Variants in GSTCD observed in about 807,000 individuals in gnomAD.
GSTCD encodes glutathione S-transferase C-terminal domain-containing protein.
A neutral mutation model predicts 68.3 loss-of-function variants in GSTCD; 44 were observed. The ratio of observed to expected loss-of-function variants is 0.64; its 90% CI spans 0.51 to 0.83. GSTCD has a LOEUF of 0.83. Ranked by LOEUF, GSTCD falls within the 40% of genes least tolerant of loss-of-function variation. GSTCD has a pLI of 0.00. For synonymous variants in GSTCD, 273 were observed against 255.2 expected (o/e 1.07, Z -0.67); for missense variants, 739 against 735.9 (o/e 1.00, Z -0.05).
chr4:105,777,168 A>G (rs1735100986), intron 5 of GSTCD, among the ~76,000 whole-genome samples: 1 of 152,216 alleles, frequency 6.6e-6, no homozygotes, highest in South Asian at 2.1e-4. Flanking sequence ...ATATTGATAC[A>G]TTTTTATGTC....
intron 5 of GSTCD, among the ~76,000 whole-genome samples, chr4:105,821,407 C>T (rs182601987): frequency 1.2e-3 from 177 of 151,890 alleles, no homozygotes; most frequent in Non-Finnish European, 2.2e-3. Context: ...GGGATTACAG[C>T]TTTTACTTCT....
chr4:105,792,828 T>G (rs1735727368), intron 5 of GSTCD, among the ~76,000 whole-genome samples: 2 of 152,064 alleles, frequency 1.3e-5, no homozygotes, highest in South Asian at 4.1e-4. Context: ...AGACATTTTC[T>G]GCTTAAATTC....
intron 5 of GSTCD, among the ~76,000 whole-genome samples, chr4:105,737,556 G>C (rs1733501961): frequency 6.6e-6 from 1 of 152,094 alleles, no homozygotes; most frequent in Non-Finnish European, 1.5e-5. Context: ...AACTTGCCCA[G>C]TCCAATGTCT....
chr4:105,829,459 G>T (rs1363646685), intron 8 of GSTCD, among the ~76,000 whole-genome samples: 4 of 152,308 alleles, frequency 2.6e-5, no homozygotes, highest in African/African-American at 9.6e-5. Flanking sequence ...AGGTTTAATT[G>T]ATTCACAGTT....
At chr4:105,725,501 G>A (rs1447077811) in intron 3 of GSTCD, among the ~76,000 whole-genome samples, 4 of 152,086 alleles carry the variant, frequency 2.6e-5, no homozygotes, top group Non-Finnish European at 5.9e-5. Flanking sequence ...ATCATTTGGA[G>A]TTGTCAGTGT....
At chr4:105,812,665 T>C (rs1457041681) in intron 5 of GSTCD, among the ~76,000 whole-genome samples, 1 of 152,134 alleles carries the variant, frequency 6.6e-6, no homozygotes, top group East Asian at 1.9e-4. Flanking sequence ...ATATATATTT[T>C]TTTTACTAAA....
chr4:105,802,595 T>C (rs1736151538), intron 5 of GSTCD, among the ~76,000 whole-genome samples: 1 of 152,138 alleles, frequency 6.6e-6, no homozygotes, highest in Non-Finnish European at 1.5e-5. Context: ...TCCTTCCATA[T>C]ATTCTGGTCT....
chr4:105,772,607 G>A (rs1384796813), intron 5 of GSTCD, among the ~76,000 whole-genome samples: 5 of 152,118 alleles, frequency 3.3e-5, no homozygotes, highest in Non-Finnish European at 5.9e-5. Context: ...TGCATCTATT[G>A]AGATAATCAT....
intron 5 of GSTCD, among the ~76,000 whole-genome samples, chr4:105,765,543 C>T (rs1734571266): frequency 6.6e-6 from 1 of 152,180 alleles, no homozygotes; most frequent in African/African-American, 2.4e-5. Flanking sequence ...CCTTGAAAGC[C>T]AATTTCCCAT....
At chr4:105,818,564 CA>C (rs1723122266) in intron 5 of GSTCD, among the ~76,000 whole-genome samples, 1 of 151,628 alleles carries the variant, frequency 6.6e-6, no homozygotes, top group Non-Finnish European at 1.5e-5. Flanking sequence ...GCCAAGACAT[CA>C]ATATTTTTTT....
chr4:105,833,999 GTTAATATGGCA>G (rs1724010440), intron 8 of GSTCD, among the ~76,000 whole-genome samples: 1 of 152,130 alleles, frequency 6.6e-6, no homozygotes, highest in Non-Finnish European at 1.5e-5. Context: ...ATTAGATTAT[GTTAATATGGCA>G]TTTGAGGAAG....
At chr4:105,752,209 T>C (rs575938372) in intron 5 of GSTCD, among the ~76,000 whole-genome samples, 1 of 152,132 alleles carries the variant, frequency 6.6e-6, no homozygotes, top group African/African-American at 2.4e-5. Flanking sequence ...TACAATGCCT[T>C]TTTTAAAACT....
At position 105,786,984 on chromosome 4, in the gene GSTCD, GT is replaced by G. The variant is rs1398242725; in HGVS notation, c.1241-35967del. On this transcript the variant is annotated intron_variant, in intron 5 of 11. Transcript: ENST00000515279. ...ATATGACTCAGCAAGTCTACTCTAT[GT>G]TTACACCCACGAGAATTGAAAACAT... Among the ~76,000 whole-genome samples, 3 of 152,026 alleles carry G rather than the reference GT, an allele frequency of 2.0e-5. No individual in the cohort carries two copies. In the East Asian group the frequency reaches 5.8e-4, roughly 29 times the overall value.
chr4:105,844,361 T>A (rs1209771188), intron 11 of GSTCD, among the ~76,000 whole-genome samples: 1 of 152,192 alleles, frequency 6.6e-6, no homozygotes, highest in Non-Finnish European at 1.5e-5. Context: ...TTTATATCAT[T>A]TCTAACCCAG....
chr4:105,736,867 CAT>C (rs1219275020), intron 5 of GSTCD, among the ~76,000 whole-genome samples: 1 of 152,092 alleles, frequency 6.6e-6, no homozygotes, highest in African/African-American at 2.4e-5. Flanking sequence ...TTTTATTTAA[CAT>C]AATTTCCTCC....
At chr4:105,824,631 G>T (rs1465085777) in intron 7 of GSTCD, among the ~76,000 whole-genome samples, 1 of 152,016 alleles carries the variant, frequency 6.6e-6, no homozygotes, top group Non-Finnish European at 1.5e-5. Context: ...GATTATCACT[G>T]GAGTCTCCTA....
intron 5 of GSTCD, among the ~76,000 whole-genome samples, chr4:105,781,313 A>G (rs541982053): frequency 6.6e-6 from 1 of 152,168 alleles, no homozygotes; most frequent in Non-Finnish European, 1.5e-5. Flanking sequence ...CAGTGGCACA[A>G]TTATAGCTCA....
intron 5 of GSTCD, among the ~76,000 whole-genome samples, chr4:105,796,214 C>A (rs556408389): frequency 1.7e-4 from 26 of 152,172 alleles, no homozygotes; most frequent in Admixed American, 2.6e-4. Flanking sequence ...AGAGAGAGAG[C>A]GAGCTTGTGC....
At chr4:105,795,291 T>C (rs577112735) in intron 5 of GSTCD, among the ~76,000 whole-genome samples, 2 of 152,232 alleles carry the variant, frequency 1.3e-5, no homozygotes, top group South Asian at 4.1e-4. Context: ...TGAGACCTGC[T>C]TTGGTTGTAT....
Sources: gnomAD v4.1 joint callset for allele counts (sites outside exome capture counted in the v4.1 genomes callset) on GRCh38, gnomAD v4.1.1 for gene constraint, MANE v1.5 for transcripts, NCBI Gene and HGNC (gene_info 2026-07-23, HGNC 2026-07-21) for gene names.